AUTS2: variants seen among roughly 807,000 people sequenced by gnomAD.
The protein encoded by AUTS2 is activator of transcription and developmental regulator AUTS2.
In AUTS2, 17 loss-of-function variants were observed where a neutral mutation model predicts 112.4. The ratio of observed to expected loss-of-function variants is 0.15; its 90% CI spans 0.10 to 0.23. The LOEUF is 0.23. AUTS2 is among the 10% of genes least tolerant of loss of function. The probability of loss-of-function intolerance (pLI) is 1.00; values close to 1 mark genes in which losing one functional copy is unlikely to be tolerated. For synonymous variants in AUTS2, 751 were observed against 702.7 expected (o/e 1.07, Z -1.09); for missense variants, 1,510 against 1,701.6 (o/e 0.89, Z 1.98).
chr7:70,590,217 A>C (rs1216861399), intron 5 of AUTS2, among the ~76,000 whole-genome samples: 1 of 152,126 alleles, frequency 6.6e-6, no homozygotes, highest in Admixed American at 6.6e-5. Flanking sequence ...AAGTACTGAC[A>C]ACAACCTCTG....
intron 2 of AUTS2, among the ~76,000 whole-genome samples, chr7:70,010,754 G>A (rs548387700): frequency 6.6e-6 from 1 of 152,284 alleles, no homozygotes; most frequent in East Asian, 1.9e-4. Context: ...TCAATCTAAA[G>A]ATCTGAAATT....
intron 5 of AUTS2, among the ~76,000 whole-genome samples, chr7:70,605,037 G>A (rs56146356): frequency 0.27 from 41,621 of 152,112 alleles, 5,980 homozygotes; most frequent in Middle Eastern, 0.35. Flanking sequence ...TTGTGGTAAT[G>A]TTTTAGGGCG....
chr7:70,069,040 G>A (rs944675287), intron 2 of AUTS2, among the ~76,000 whole-genome samples: 67 of 152,212 alleles, frequency 4.4e-4, no homozygotes, highest in African/African-American at 1.6e-3. Flanking sequence ...GACTGACTAG[G>A]TAAAGTCACT....
At chr7:70,406,208 C>A (rs566222101) in intron 4 of AUTS2, among the ~76,000 whole-genome samples, 1 of 152,184 alleles carries the variant, frequency 6.6e-6, no homozygotes, top group Admixed American at 6.5e-5. Context: ...CCTGCCACCC[C>A]CTTCCTTCCT....
rs1283505060 is a variant in AUTS2 at position 69,668,302 on chromosome 7, A to G, written c.309+68340A>G. On this transcript the variant is annotated intron_variant, in intron 1 of 18. Transcript: ENST00000342771. ...GTATGTGAAATTTCATATCATGAAGAAAGTTATGATTATAATGTAGCGTTA... is the reference window on the plus strand; with the variant it reads ...GTATGTGAAATTTCATATCATGAAGGAAGTTATGATTATAATGTAGCGTTA... Among the ~76,000 whole-genome samples, 3 of 152,340 alleles carry G rather than the reference A, an allele frequency of 2.0e-5. No individual in the cohort carries two copies. The South Asian group carries it at 6.2e-4, about 32-fold the overall frequency.
intron 4 of AUTS2, among the ~76,000 whole-genome samples, chr7:70,296,873 GCT>G (rs1788962982): frequency 7.5e-6 from 1 of 133,770 alleles, no homozygotes; most frequent in Admixed American, 8.0e-5. Context: ...ACAGTGTCTT[GCT>G]CTGTCACCCA....
At chr7:70,446,024 C>T (rs1796304141) in intron 5 of AUTS2, among the ~76,000 whole-genome samples, 1 of 152,110 alleles carries the variant, frequency 6.6e-6, no homozygotes, top group South Asian at 2.1e-4. Flanking sequence ...CTTCCTACGA[C>T]CCCACACAGG....
intron 2 of AUTS2, among the ~76,000 whole-genome samples, chr7:70,006,869 A>G (rs1234677839): frequency 6.6e-6 from 1 of 152,164 alleles, no homozygotes; most frequent in African/African-American, 2.4e-5. Flanking sequence ...GGTTATATTT[A>G]GAAAAGAGGA....
intron 1 of AUTS2, among the ~76,000 whole-genome samples, chr7:69,879,430 G>A (rs1173815030): frequency 4.6e-5 from 7 of 151,806 alleles, no homozygotes; most frequent in Admixed American, 6.6e-5. Context: ...GATTGCAGGC[G>A]CGAGCCACTG....
In AUTS2 at chr7:70,668,042, C is replaced by T. The variant is rs921234840; in HGVS notation, c.691-30527C>T. ...CTAGGCTGGATGGAGTGCAGTGGCA[C>T]AATCTCAGCTCACTGCAGCCTCCAC... On this transcript the variant is annotated intron_variant, in intron 5 of 18. Transcript: ENST00000342771. 4.6e-5 allele frequency among the ~76,000 whole-genome samples: 7 copies of T among 152,214 alleles called. No homozygotes were observed. The East Asian group carries it at 1.2e-3, about 25-fold the overall frequency.
intron 1 of AUTS2, among the ~76,000 whole-genome samples, chr7:69,708,459 A>AG (rs1798163895): frequency 6.6e-6 from 1 of 152,100 alleles, no homozygotes; most frequent in African/African-American, 2.4e-5. Flanking sequence ...AGGGGACTGG[A>AG]GGTAGTGGTC....
At chr7:70,658,476 C>T (rs1442130769) in intron 5 of AUTS2, among the ~76,000 whole-genome samples, 1 of 152,236 alleles carries the variant, frequency 6.6e-6, no homozygotes, top group Non-Finnish European at 1.5e-5. Flanking sequence ...CGGGGCTGAT[C>T]CGCTTTGAAA....
At chr7:70,158,107 A>T (rs1807881700) in intron 4 of AUTS2, among the ~76,000 whole-genome samples, 1 of 152,120 alleles carries the variant, frequency 6.6e-6, no homozygotes, top group South Asian at 2.1e-4. Context: ...GGGCCTGGTT[A>T]TTTGGAGGAC....
At chr7:70,408,639 A>C (rs1387213159) in intron 4 of AUTS2, among the ~76,000 whole-genome samples, 1 of 152,152 alleles carries the variant, frequency 6.6e-6, no homozygotes, top group Non-Finnish European at 1.5e-5. Flanking sequence ...TACAGCCATA[A>C]ATTACTTCCC....
rs150498866 is a variant in AUTS2 at position 69,673,872 on chromosome 7, AG to A, written c.309+73911del. ...AAATGAGAATCTGTTATTGAAACCCAGAAGTCTGAAATAAGGGTTTAGTGAT... is the reference window on the plus strand; with the variant it reads ...AAATGAGAATCTGTTATTGAAACCCAAAGTCTGAAATAAGGGTTTAGTGAT... On this transcript the variant is annotated intron_variant, in intron 1 of 18. Coordinates refer to ENST00000342771, the MANE Select transcript of AUTS2 (RefSeq NM_015570.4). 2.6e-3 allele frequency among the ~76,000 whole-genome samples: 393 copies of A among 152,364 alleles called. 1 individual carries two copies. Among genetic ancestry groups the A allele is most frequent in the African/African-American group, 9.1e-3 (379 of 41,588 alleles).
chr7:70,004,567 A>G (rs947932466), intron 2 of AUTS2, among the ~76,000 whole-genome samples: 1 of 151,138 alleles, frequency 6.6e-6, no homozygotes, highest in African/African-American at 2.4e-5. Context: ...TAGCAAAGGC[A>G]GATCAGAAAG....
At chr7:69,783,237 C>G (rs1290648447) in intron 1 of AUTS2, among the ~76,000 whole-genome samples, 1 of 151,918 alleles carries the variant, frequency 6.6e-6, no homozygotes, top group Non-Finnish European at 1.5e-5. Flanking sequence ...ACTTGTCATC[C>G]TTTGGAGATT....
At chr7:69,981,760 C>T (rs1798303403) in intron 2 of AUTS2, among the ~76,000 whole-genome samples, 1 of 152,168 alleles carries the variant, frequency 6.6e-6, no homozygotes, top group South Asian at 2.1e-4. Flanking sequence ...ATTATTTCCT[C>T]TTGAGATATG....
At chr7:70,426,675 A>G (rs1336618266) in intron 4 of AUTS2, among the ~76,000 whole-genome samples, 1 of 152,182 alleles carries the variant, frequency 6.6e-6, no homozygotes, top group African/African-American at 2.4e-5. Flanking sequence ...TTTATCTTAA[A>G]GTAATGAGCT....
Sources: allele counts gnomAD v4.1 joint callset (sites outside exome capture counted in the v4.1 genomes callset), GRCh38; gene constraint gnomAD v4.1.1; transcripts MANE v1.5; gene names NCBI Gene and HGNC (gene_info 2026-07-23, HGNC 2026-07-21).